CEMIP: variants seen among roughly 807,000 people sequenced by gnomAD.
The protein encoded by CEMIP is cell migration-inducing and hyaluronan-binding protein.
CEMIP carries 105 observed loss-of-function variants against 156.9 expected under a neutral mutation model. That is an observed-to-expected ratio of 0.67 (90% CI 0.57 to 0.79). The LOEUF is 0.79. CEMIP is among the 30% of genes least tolerant of loss of function. The pLI, the probability that CEMIP is intolerant of heterozygous loss-of-function variation, is 0.00. For synonymous variants in CEMIP, 676 were observed against 668.4 expected (o/e 1.01, Z -0.17); for missense variants, 1,457 against 1,769.4 (o/e 0.82, Z 3.17).
intron 7 of CEMIP, among the ~76,000 whole-genome samples, chr15:80,887,010 TG>T: frequency 6.6e-6 from 1 of 152,318 alleles, no homozygotes; most frequent in Non-Finnish European, 1.5e-5. Flanking sequence ...GTTGCCATTT[TG>T]GGGGGTAGCG....
At chr15:80,793,160 G>T (rs1203131959) in intron 1 of CEMIP, among the ~76,000 whole-genome samples, 4 of 152,186 alleles carry the variant, frequency 2.6e-5, no homozygotes, top group Non-Finnish European at 5.9e-5. Flanking sequence ...GGTGGCAGCA[G>T]GTTGGTGCAA....
At chr15:80,840,336 A>C (rs1596125530) in intron 1 of CEMIP, among the ~76,000 whole-genome samples, 1 of 152,034 alleles carries the variant, frequency 6.6e-6, no homozygotes, top group Non-Finnish European at 1.5e-5. Context: ...GGGACTCCAC[A>C]CCCAGTTGGC....
intron 1 of CEMIP, among the ~76,000 whole-genome samples, chr15:80,797,781 G>A (rs1896269896): frequency 6.6e-6 from 1 of 152,222 alleles, no homozygotes; most frequent in African/African-American, 2.4e-5. Flanking sequence ...GGAACTAGAT[G>A]AGAAAGAAGT....
At chr15:80,849,302 G>C (rs1596132476) in intron 1 of CEMIP, among the ~76,000 whole-genome samples, 1 of 152,146 alleles carries the variant, frequency 6.6e-6, no homozygotes, top group African/African-American at 2.4e-5. Context: ...AATATGTCTA[G>C]AGTCCATGTC....
intron 14 of CEMIP, among the ~76,000 whole-genome samples, chr15:80,911,795 G>A (rs140849700): frequency 6.6e-6 from 1 of 152,166 alleles, no homozygotes; most frequent in African/African-American, 2.4e-5. Flanking sequence ...CTCAAAAAGG[G>A]GGAAGCGGCA....
intron 29 of CEMIP, 58 bp from the exon 30 acceptor site, chr15:80,948,739 G>A (rs1901678363): frequency 1.2e-6 from 2 of 1,612,150 alleles, no homozygotes; most frequent in South Asian, 1.1e-5. Flanking sequence ...ATGGAACGGG[G>A]TGGGGCAGCC....
At chr15:80,800,021 ATGTGTGTGTGTGTGTGTGTGTG>A (rs56412231) in intron 1 of CEMIP, among the ~76,000 whole-genome samples, 3 of 124,784 alleles carry the variant, frequency 2.4e-5, no homozygotes, top group Non-Finnish European at 4.9e-5. Context: ...AGCTAATTTT[ATGTGTGTGTGTGTGTGTGTGTG>A]TGTGTGTGTG....
At chr15:80,840,649 G>A (rs1380366958) in intron 1 of CEMIP, among the ~76,000 whole-genome samples, 1 of 152,186 alleles carries the variant, frequency 6.6e-6, no homozygotes, top group East Asian at 1.9e-4. Context: ...TGGACTGCTG[G>A]GTGTCCCTGG....
intron 3 of CEMIP, among the ~76,000 whole-genome samples, chr15:80,874,620 G>C (rs886858494): frequency 6.6e-6 from 1 of 152,152 alleles, no homozygotes; most frequent in Non-Finnish European, 1.5e-5. Flanking sequence ...TCTAAGCCAG[G>C]TTTAGATCTA....
intron 6 of CEMIP, among the ~76,000 whole-genome samples, chr15:80,882,324 T>C (rs1345597876): frequency 1.3e-5 from 2 of 152,270 alleles, no homozygotes; most frequent in African/African-American, 4.8e-5. Flanking sequence ...TCTGTTATTA[T>C]CTACCTTGTA....
chr15:80,818,967 C>T (rs1286048040), intron 1 of CEMIP, among the ~76,000 whole-genome samples: 1 of 152,176 alleles, frequency 6.6e-6, no homozygotes, highest in African/African-American at 2.4e-5. Flanking sequence ...GCGTGCATTA[C>T]AGGGCCAGTC....
chr15:80,830,753 T>A (rs1897140004), intron 1 of CEMIP, among the ~76,000 whole-genome samples: 1 of 152,120 alleles, frequency 6.6e-6, no homozygotes, highest in Non-Finnish European at 1.5e-5. Context: ...CATGACCCCA[T>A]GGGCTGAGTA....
chr15:80,951,530 G>T lies in CEMIP; in HGVS notation c.*2606G>T, dbSNP rs1901828582. ...GCTGGTCCTTTTTCGGGAGTTAGATGTATAGAGTGTTTGTATGTAAACATT... is the reference window on the plus strand; with the variant it reads ...GCTGGTCCTTTTTCGGGAGTTAGATTTATAGAGTGTTTGTATGTAAACATT... On this transcript the variant is annotated 3_prime_UTR_variant, in exon 30 of 30. Coordinates refer to ENST00000394685, the MANE Select transcript of CEMIP (RefSeq NM_001293298.2). The T allele has an allele frequency of 2.6e-5, 4 of 152,644 alleles. No homozygotes were observed. The allele number at this position is 152,644 out of a possible 1,614,324, so 9.5% of individuals were successfully genotyped here. A position where few individuals can be genotyped will look rare whatever the true frequency, so the allele number is the denominator to read the frequency against.
intron 5 of CEMIP, among the ~76,000 whole-genome samples, chr15:80,880,158 C>T (rs535058642): frequency 3.6e-4 from 55 of 152,318 alleles, no homozygotes; most frequent in East Asian, 9.6e-4. Context: ...TAATAGGCTA[C>T]GATGGACAAG....
In CEMIP at chr15:80,929,097, G is replaced by A. The variant is rs1596199639; in HGVS notation, c.2535G>A (p.Val845=). ...TGTTTGTTGGCGAGAGTGGCAACGT[G>A]GGGACGGAAATGATGGACAATAGGA... ...NSLFVGESGN[V]GTEMMDNRIW... The change falls in exon 21 of 30, where the codon GTG becomes GTA. Residue 845 remains valine, a synonymous_variant. Coordinates refer to ENST00000394685, the MANE Select transcript of CEMIP (RefSeq NM_001293298.2). 8 of 1,614,072 alleles carry A rather than the reference G, an allele frequency of 5.0e-6. No homozygotes were observed. The highest frequency in any genetic ancestry group is 2.2e-5 in the East Asian group (1 of 44,886).
chr15:80,933,186 G>A, intron 22 of CEMIP, 59 bp from the exon 23 acceptor site: 1 of 1,446,960 alleles, frequency 6.9e-7, no homozygotes, highest in Non-Finnish European at 9.7e-7. Context: ...CTGGCCTGAT[G>A]ACGGCTGCAG....
At chr15:80,795,590 T>C (rs1896202848) in intron 1 of CEMIP, among the ~76,000 whole-genome samples, 1 of 152,126 alleles carries the variant, frequency 6.6e-6, no homozygotes, top group Non-Finnish European at 1.5e-5. Flanking sequence ...CAGGACACAC[T>C]GGGCACGGCC....
chr15:80,929,735 G>C (rs566578527), intron 21 of CEMIP, among the ~76,000 whole-genome samples: 3 of 152,366 alleles, frequency 2.0e-5, no homozygotes, highest in African/African-American at 7.2e-5. Context: ...CCGTGGGTTA[G>C]GGTTGGTTTA....
intron 1 of CEMIP, among the ~76,000 whole-genome samples, chr15:80,808,813 G>T (rs936709130): frequency 6.6e-6 from 1 of 151,132 alleles, no homozygotes; most frequent in Non-Finnish European, 1.5e-5. Context: ...CTGTAAAGAA[G>T]CCAACAATGG....
Sources: allele counts gnomAD v4.1 joint callset (sites outside exome capture counted in the v4.1 genomes callset), GRCh38; gene constraint gnomAD v4.1.1; transcripts MANE v1.5; gene names NCBI Gene and HGNC (gene_info 2026-07-23, HGNC 2026-07-21).